AOPEP: variants seen among roughly 807,000 people sequenced by gnomAD.
AOPEP encodes aminopeptidase O.
A neutral mutation model predicts 98.1 loss-of-function variants in AOPEP; 77 were observed. That is an observed-to-expected ratio of 0.78 (90% CI 0.65 to 0.95). The LOEUF is 0.95. AOPEP is among the 40% of genes least tolerant of loss of function. The probability of loss-of-function intolerance (pLI) is 0.00; values close to 1 mark genes in which losing one functional copy is unlikely to be tolerated. For synonymous variants in AOPEP, 346 were observed against 365.3 expected (o/e 0.95, Z 0.60); for missense variants, 1,024 against 1,024.7 (o/e 1.00, Z 0.01).
At chr9:95,052,840 G>A (rs531868550) in intron 13 of AOPEP, among the ~76,000 whole-genome samples, 1 of 152,350 alleles carries the variant, frequency 6.6e-6, no homozygotes, top group South Asian at 2.1e-4. Context: ...ACCTGAGCAT[G>A]TGACTGTTTG....
At position 94,916,446 on chromosome 9, in the gene AOPEP, T is replaced by C. The variant is rs147070081; in HGVS notation, c.1365-7540T>C. Among the ~76,000 whole-genome samples, 250 of 152,302 alleles carry C rather than the reference T, an allele frequency of 1.6e-3. 1 individual carries two copies. Among genetic ancestry groups the C allele is most frequent in the African/African-American group, 5.4e-3 (224 of 41,564 alleles). On this transcript the variant is annotated intron_variant, in intron 5 of 16. Transcript: ENST00000375315. ...ACATGTTCAGGGCCAGGCTCATGCCTGTAATCCCAGCACTTTGGGAGGCCG... is the reference window on the plus strand; with the variant it reads ...ACATGTTCAGGGCCAGGCTCATGCCCGTAATCCCAGCACTTTGGGAGGCCG...
In AOPEP at chr9:94,967,979, A is replaced by G. The variant is rs76999394; in HGVS notation, c.1916+178A>G. 7.3e-3 allele frequency among the ~76,000 whole-genome samples: 1,116 copies of G among 152,238 alleles called. 13 individuals carry two copies. Among genetic ancestry groups the G allele is most frequent in the African/African-American group, 0.026 (1,076 of 41,544 alleles). On this transcript the variant is annotated intron_variant, in intron 10 of 16. Coordinates refer to ENST00000375315, the MANE Select transcript of AOPEP (RefSeq NM_001193329.3). ...TCAGCCAACCTTTGGGATGAGCCCC[A>G]GTGGATATTGGGAGCCAGTGTGCAC... is the stretch of plus-strand genomic sequence containing the variant.
chr9:94,982,924 C>T (rs1010738780), intron 11 of AOPEP, among the ~76,000 whole-genome samples: 1 of 152,224 alleles, frequency 6.6e-6, no homozygotes, highest in Admixed American at 6.5e-5. Context: ...TGCAAATACA[C>T]TAGAAATAAA....
chr9:95,150,022 A>C, the AOPEP span: 1 of 1,614,150 alleles, frequency 6.2e-7, no homozygotes. Context: ...CAGGGGGTCA[A>C]CATCTGTCAG....
intron 5 of AOPEP, among the ~76,000 whole-genome samples, chr9:94,915,706 C>A (rs12351146): frequency 3.3e-5 from 5 of 152,210 alleles, no homozygotes; most frequent in African/African-American, 1.2e-4. Context: ...CTTGCTACTT[C>A]GTGTCTGCTT....
rs142408941 is a variant in AOPEP at position 95,082,936 on chromosome 9, C to T, written c.*4+217C>T. 1.4e-3 allele frequency: 747 copies of T among 541,646 alleles called. 12 individuals carry two copies. The Admixed American group carries it at 0.015, about 11-fold the overall frequency. The allele number at this position is 541,646 out of a possible 1,614,324, so 33.6% of individuals were successfully genotyped here. ...CACCTTGCCTGGCTGTGGCAGTCAC[C>T]GGGAAGCAGAGGCTGTCCACCTGGA... On this transcript the variant is annotated intron_variant, in intron 16 of 16. Coordinates refer to ENST00000375315, the MANE Select transcript of AOPEP (RefSeq NM_001193329.3).
downstream of AOPEP, among the ~76,000 whole-genome samples, chr9:95,089,041 G>T (rs2070829439): frequency 6.6e-6 from 1 of 152,226 alleles, no homozygotes; most frequent in Non-Finnish European, 1.5e-5. Flanking sequence ...ACTCTCTCCA[G>T]GCAGGAGGCT....
At chr9:94,732,345 C>T (rs948523127) in intron 1 of AOPEP, among the ~76,000 whole-genome samples, 1 of 151,354 alleles carries the variant, frequency 6.6e-6, no homozygotes, top group African/African-American at 2.4e-5. Context: ...GCATTAAAAA[C>T]ACAACTGTCT....
At chr9:94,838,177 T>G (rs2041852949) in intron 5 of AOPEP, among the ~76,000 whole-genome samples, 1 of 152,050 alleles carries the variant, frequency 6.6e-6, no homozygotes. Flanking sequence ...GCCTGGCTCA[T>G]TTTTTGTATT....
At chr9:95,043,463 G>T (rs2065544368) in intron 13 of AOPEP, among the ~76,000 whole-genome samples, 1 of 151,988 alleles carries the variant, frequency 6.6e-6, no homozygotes, top group South Asian at 2.1e-4. Context: ...AAGGAAATTG[G>T]CATTTCTATT....
the AOPEP span, chr9:95,099,217 A>G: frequency 4.6e-6 from 1 of 216,972 alleles, no homozygotes; most frequent in Non-Finnish European, 9.3e-6. Flanking sequence ...CTCTGAGGGT[A>G]GTGGTTTTAC....
In AOPEP at chr9:95,051,703, A is replaced by C. The variant is rs888653623; in HGVS notation, c.2116-8991A>C. ...ATCTGTACTGTAAAGAATGTTTATG[A>C]AACTTTTTTTTTTTTTTTGAGACGG... On this transcript the variant is annotated intron_variant, in intron 13 of 16. Coordinates refer to ENST00000375315, the MANE Select transcript of AOPEP (RefSeq NM_001193329.3). 3.3e-5 allele frequency among the ~76,000 whole-genome samples: 5 copies of C among 151,704 alleles called. No individual in the cohort carries two copies. The East Asian group carries it at 9.7e-4, about 29-fold the overall frequency.
chr9:94,847,152 A>ACACACACACACACACGCT (rs1448564968), intron 5 of AOPEP, among the ~76,000 whole-genome samples: 3 of 140,476 alleles, frequency 2.1e-5, no homozygotes, highest in Non-Finnish European at 4.7e-5. Flanking sequence ...ACACACACAC[A>ACACACACACACACACGCT]CTCTCTCTGT....
chr9:95,128,836 AG>A, the AOPEP span, among the ~76,000 whole-genome samples: 20 of 152,156 alleles, frequency 1.3e-4, no homozygotes, highest in African/African-American at 4.8e-4. Flanking sequence ...CTTTTAAAAC[AG>A]GTAAGAGGCC....
At chr9:94,732,247 C>CTTT (rs57168878) in intron 1 of AOPEP, among the ~76,000 whole-genome samples, 4 of 147,400 alleles carry the variant, frequency 2.7e-5, no homozygotes, top group East Asian at 2.0e-4. Flanking sequence ...TTTCAGTCAA[C>CTTT]TTTTTTTTTT....
intron 5 of AOPEP, among the ~76,000 whole-genome samples, chr9:94,849,190 A>G (rs2043225414): frequency 6.6e-6 from 1 of 152,198 alleles, no homozygotes; most frequent in African/African-American, 2.4e-5. Context: ...GAGTAGCTTA[A>G]ATTTTTGTTT....
intron 5 of AOPEP, among the ~76,000 whole-genome samples, chr9:94,831,104 T>C (rs1855875661): frequency 2.0e-5 from 3 of 152,222 alleles, no homozygotes; most frequent in Admixed American, 2.0e-4. Context: ...GCTTTTGGCA[T>C]TTTTGTCATG....
chr9:95,057,496 A>G (rs971091295), intron 13 of AOPEP, among the ~76,000 whole-genome samples: 8 of 152,220 alleles, frequency 5.3e-5, no homozygotes, highest in African/African-American at 1.9e-4. Flanking sequence ...TTACATGACC[A>G]CTGCTTTTTC....
At position 94,973,822 on chromosome 9, in the gene AOPEP, A is replaced by T. The variant is rs10993425; in HGVS notation, c.1917-5545A>T. On this transcript the variant is annotated intron_variant, in intron 10 of 16. Transcript: ENST00000375315. ...AGAAGAGTAATTTCCTGTAAGTTCTAGGTCCTGGCTAAGTGGAAATGCTTC... is the reference window on the plus strand; with the variant it reads ...AGAAGAGTAATTTCCTGTAAGTTCTTGGTCCTGGCTAAGTGGAAATGCTTC... Among the ~76,000 whole-genome samples, 488 of 152,302 alleles carry T rather than the reference A, an allele frequency of 3.2e-3. 2 individuals carry two copies. The highest frequency in any genetic ancestry group is 0.011 in the African/African-American group (440 of 41,534).
Sources: gnomAD v4.1 joint callset for allele counts (sites outside exome capture counted in the v4.1 genomes callset) on GRCh38, gnomAD v4.1.1 for gene constraint, MANE v1.5 for transcripts, NCBI Gene and HGNC (gene_info 2026-07-23, HGNC 2026-07-21) for gene names.